SERINC5: variants seen among roughly 807,000 people sequenced by gnomAD.
SERINC5 encodes chromosome 5 open reading frame 12.
Under a neutral mutation model 63.1 loss-of-function variants are expected in SERINC5, and 41 were observed. That is an observed-to-expected ratio of 0.65 (90% CI 0.51 to 0.84). The LOEUF is 0.84. Among genes scored for constraint, SERINC5 ranks in the 40% least tolerant of loss-of-function variants. SERINC5 has a pLI of 0.00. For missense variants in SERINC5, 523 were observed against 573.0 expected, an observed-to-expected ratio of 0.91 and a Z score of 0.89; for synonymous variants, 222 against 215.2, an observed-to-expected ratio of 1.03 and a Z score of -0.28.
chr5:80,186,981 C>T (rs1025264), intron 2 of SERINC5, among the ~76,000 whole-genome samples: 55,273 of 151,774 alleles, frequency 0.36, 10,635 homozygotes, highest in Non-Finnish European at 0.43. Flanking sequence ...CATGGTGAAA[C>T]TCCATCTCTA....
At chr5:80,217,120 ATTT>A (rs1013614683) in intron 1 of SERINC5, among the ~76,000 whole-genome samples, 2 of 151,938 alleles carry the variant, frequency 1.3e-5, no homozygotes. Flanking sequence ...TTATTTTGAT[ATTT>A]TTATTTTACA....
chr5:80,137,211 G>C (rs1212093408), downstream of SERINC5, among the ~76,000 whole-genome samples: 1 of 145,558 alleles, frequency 6.9e-6, no homozygotes, highest in Non-Finnish European at 1.5e-5. Context: ...ATATGATCCA[G>C]CAATCCCACT....
chr5:80,203,466 G>A (rs2112492799), intron 1 of SERINC5, among the ~76,000 whole-genome samples: 1 of 151,856 alleles, frequency 6.6e-6, no homozygotes, highest in South Asian at 2.1e-4. Context: ...GAACCCAGGA[G>A]TTTGAGATCA....
Position 80,139,245 on chromosome 5 carries a change from G to C in SERINC5, c.*4418C>G, listed in dbSNP as rs1745360432. Reference sequence around the variant, plus strand: ...AGTTTTCTTTTTGCAAAGTAAAAAGGCTTAAATCTTTAATAAAGGAAAACA... The same window carrying C: ...AGTTTTCTTTTTGCAAAGTAAAAAGCCTTAAATCTTTAATAAAGGAAAACA... On this transcript the variant is annotated 3_prime_UTR_variant, in exon 12 of 12. Coordinates refer to ENST00000507668, the MANE Select transcript of SERINC5 (RefSeq NM_001174072.3). 1.0e-6 allele frequency: 1 copy of C among 968,796 alleles called. No individual in the cohort carries two copies. Among genetic ancestry groups the C allele is most frequent in the Middle Eastern group, 5.3e-4 (1 of 1,890 alleles). The allele number at this position is 968,796 out of a possible 1,614,324, so 60.0% of individuals were successfully genotyped here. A position where few individuals can be genotyped will look rare whatever the true frequency, so the allele number is the denominator to read the frequency against.
chr5:80,217,125 T>C (rs1750702418), intron 1 of SERINC5, among the ~76,000 whole-genome samples: 1 of 152,002 alleles, frequency 6.6e-6, no homozygotes. Context: ...TTGATATTTT[T>C]ATTTTACAAA....
intron 2 of SERINC5, among the ~76,000 whole-genome samples, chr5:80,198,248 T>C (rs1459001031): frequency 6.6e-6 from 1 of 152,134 alleles, no homozygotes; most frequent in Non-Finnish European, 1.5e-5. Flanking sequence ...CCTTATGTTT[T>C]GAGATGGGGA....
At chr5:80,165,335 C>T (rs1747220561) in intron 7 of SERINC5, among the ~76,000 whole-genome samples, 1 of 152,118 alleles carries the variant, frequency 6.6e-6, no homozygotes, top group South Asian at 2.1e-4. Flanking sequence ...ATTATCACTG[C>T]ACCAGCTTTC....
At chr5:80,250,444 C>A (rs868534090) in intron 1 of SERINC5, among the ~76,000 whole-genome samples, 1 of 152,164 alleles carries the variant, frequency 6.6e-6, no homozygotes, top group Non-Finnish European at 1.5e-5. Flanking sequence ...CAGGTTCAAG[C>A]GACTCTCCTG....
At chr5:80,182,138 T>C (rs1221616892) in intron 2 of SERINC5, among the ~76,000 whole-genome samples, 1 of 152,112 alleles carries the variant, frequency 6.6e-6, no homozygotes, top group Non-Finnish European at 1.5e-5. Flanking sequence ...CTAAGAAGAA[T>C]TGGCTCCCTG....
chr5:80,242,687 T>TTG, intron 1 of SERINC5, among the ~76,000 whole-genome samples: 1 of 151,930 alleles, frequency 6.6e-6, no homozygotes, highest in African/African-American at 2.4e-5. Flanking sequence ...GAGGCGGAGG[T>TTG]TGCAGTGAGC....
chr5:80,247,907 A>C (rs1334952631), intron 1 of SERINC5, among the ~76,000 whole-genome samples: 5 of 152,070 alleles, frequency 3.3e-5, no homozygotes, highest in Admixed American at 2.0e-4. Context: ...GAGTGCAGTG[A>C]CACAACCATG....
chr5:80,172,963 C>T (rs1355264527), intron 5 of SERINC5, among the ~76,000 whole-genome samples: 3 of 152,132 alleles, frequency 2.0e-5, no homozygotes, highest in Non-Finnish European at 4.4e-5. Context: ...GTTCATTTAA[C>T]AATTGGAGAC....
At chr5:80,198,618 G>A (rs1233413871) in intron 2 of SERINC5, 4 of 985,208 alleles carry the variant, frequency 4.1e-6, no homozygotes, top group African/African-American at 1.7e-5. Context: ...GCACTTCCAC[G>A]GCCAACAAAG....
At chr5:80,207,796 T>C (rs1195007633) in intron 1 of SERINC5, among the ~76,000 whole-genome samples, 1 of 152,240 alleles carries the variant, frequency 6.6e-6, no homozygotes, top group Non-Finnish European at 1.5e-5. Context: ...TGCTAATAAT[T>C]AAGGTTCGAG....
intron 7 of SERINC5, 71 bp downstream of exon 7, chr5:80,166,312 A>C (rs1377495912): frequency 1.9e-6 from 2 of 1,077,436 alleles, no homozygotes; most frequent in Non-Finnish European, 2.8e-6. Context: ...CAATATTTAA[A>C]CAATAGCTCA....
At chr5:80,221,234 T>C (rs1184518242) in intron 1 of SERINC5, among the ~76,000 whole-genome samples, 2 of 152,034 alleles carry the variant, frequency 1.3e-5, no homozygotes, top group Non-Finnish European at 2.9e-5. Context: ...TCCCAGGGGA[T>C]CATCTGACAT....
downstream of SERINC5, among the ~76,000 whole-genome samples, chr5:80,135,222 C>A (rs942180020): frequency 1.3e-5 from 2 of 152,100 alleles, no homozygotes; most frequent in African/African-American, 4.8e-5. Flanking sequence ...TTTGTAGAGA[C>A]GGGGTTTCAC....
rs1745585762 is a variant in SERINC5, at chr5:80,142,740, C to G, written c.*923G>C. The G allele has an allele frequency of 1.0e-6, 1 of 985,334 alleles. No individual in the cohort carries two copies. Among genetic ancestry groups the G allele is most frequent in the Non-Finnish European group, 1.2e-6 (1 of 829,946 alleles). The allele number at this position is 985,334 out of a possible 1,614,324, so 61.0% of individuals were successfully genotyped here. On this transcript the variant is annotated 3_prime_UTR_variant, in exon 12 of 12. Transcript: ENST00000507668. ...GACCTCAACAACTGAAAGAGCAGTG[C>G]ATGCAGCAGGCTTCAACACGAAGCA...
intron 11 of SERINC5, chr5:80,116,325 T>C (rs905939413): frequency 2.2e-6 from 1 of 456,170 alleles, no homozygotes; most frequent in Non-Finnish European, 4.4e-6. Context: ...TGATAGTTTC[T>C]GGGAACAAAA....
Sources: gnomAD v4.1 joint callset for allele counts (sites outside exome capture counted in the v4.1 genomes callset) on GRCh38, gnomAD v4.1.1 for gene constraint, MANE v1.5 for transcripts, NCBI Gene and HGNC (gene_info 2026-07-23, HGNC 2026-07-21) for gene names.